EN1: variants seen among roughly 807,000 people sequenced by gnomAD.
The protein encoded by EN1 is homeobox protein engrailed-1.
In EN1, 8 loss-of-function variants were observed where a neutral mutation model predicts 22.9. That is an observed-to-expected ratio of 0.35 (90% CI 0.20 to 0.63). The LOEUF (loss-of-function observed/expected upper bound fraction) is 0.63, where lower values mean the gene tolerates loss of function less well. Among genes scored for constraint, EN1 ranks in the 20% least tolerant of loss-of-function variants. EN1 has a pLI of 0.73. For missense variants in EN1, 521 were observed against 572.1 expected, an observed-to-expected ratio of 0.91 and a Z score of 0.91; for synonymous variants, 287 against 262.5, an observed-to-expected ratio of 1.09 and a Z score of -0.90.
Position 118,846,013 on chromosome 2 carries a change from A to G in EN1, c.862+293T>C, listed in dbSNP as rs1274023024. Among the ~76,000 whole-genome samples, 1 of 152,210 alleles carries G rather than the reference A, an allele frequency of 6.6e-6. No homozygotes were observed. Among genetic ancestry groups the G allele is most frequent in the African/African-American group, 2.4e-5 (1 of 41,452 alleles). ...AATCACTGACTATGTACTTTTCCTA[A>G]GAATAATAAAGATAAGAGACAAAGA... is the stretch of plus-strand genomic sequence containing the variant. On this transcript the variant is annotated intron_variant, in intron 1 of 1. Transcript: ENST00000295206. The surrounding 1 kb of genome is among the most constrained non-coding windows in gnomAD (Gnocchi z 5.0).
rs1188542354 is a variant in EN1 at position 118,847,119 on chromosome 2, C to T, written c.49G>A (p.Gly17Ser). The T allele has an allele frequency of 2.2e-6, 3 of 1,351,798 alleles. No homozygotes were observed. Among genetic ancestry groups the T allele is most frequent in the Non-Finnish European group, 2.9e-6 (3 of 1,024,060 alleles). The allele number at this position is 1,351,798 out of a possible 1,614,324, so 83.7% of individuals were successfully genotyped here. A position where few individuals can be genotyped will look rare whatever the true frequency, so the allele number is the denominator to read the frequency against. Residue 17 changes from glycine to serine, a missense_variant, in exon 1 of 2, where the codon GGC (glycine) becomes AGC (serine). By Grantham distance (56) the Gly-to-Ser change is moderately conservative (BLOSUM62 0). Around this residue, in one of 3 missense-constraint regions of EN1, gnomAD observed 436 missense variants for 410.1 expected, o/e 1.06. Transcript: ENST00000295206. The stretch of plus-strand genomic sequence containing the variant: ...CCCGGAGTCGCCGCCGCCGCCGCGC[C>T]GAGGGCCGAGTCGCGCTGACTTTTA... ...EPKSQRDSAL[G>S]AAAAATPGGL...
Position 118,842,756 on chromosome 2 carries a change from C to T in EN1, c.*182G>A, listed in dbSNP as rs1678210085. The T allele has an allele frequency of 3.6e-6, 4 of 1,113,986 alleles. No individual in the cohort carries two copies. In the East Asian group the frequency reaches 1.1e-4, roughly 29 times the overall value. 69.0% of individuals were successfully genotyped at this position (1,113,986 alleles called of 1,614,324 possible). A position where few individuals can be genotyped will look rare whatever the true frequency, so the allele number is the denominator to read the frequency against. ...ATAGCACCTGTCCGAGTCTTTCTCC[C>T]TTTTCAAAAATGCTGCGTTTCAACG... On this transcript the variant is annotated 3_prime_UTR_variant, in exon 2 of 2. Coordinates refer to ENST00000295206, the MANE Select transcript of EN1 (RefSeq NM_001426.4).
Position 118,842,706 on chromosome 2 carries a change from AAT to A in EN1, c.*230_*231del. 1 of 728,990 alleles carries A rather than the reference AAT, an allele frequency of 1.4e-6. No individual in the cohort carries two copies. Among genetic ancestry groups the A allele is most frequent in the Non-Finnish European group, 2.1e-6 (1 of 478,256 alleles). 45.2% of individuals were successfully genotyped at this position (728,990 alleles called of 1,614,324 possible). A position where few individuals can be genotyped will look rare whatever the true frequency, so the allele number is the denominator to read the frequency against. ...TCGCAGTTTCGTCCCTTATACTGGG[AAT>A]AGAGAATGGATCTTATTTTTCGATA... On this transcript the variant is annotated 3_prime_UTR_variant, in exon 2 of 2. Coordinates refer to ENST00000295206, the MANE Select transcript of EN1 (RefSeq NM_001426.4).
intron 1 of EN1, among the ~76,000 whole-genome samples, chr2:118,845,543 C>A (rs1006809333): frequency 1.3e-5 from 2 of 152,214 alleles, no homozygotes; most frequent in Non-Finnish European, 2.9e-5. Flanking sequence ...GGGAACCGTT[C>A]CGCGGAGAAG....
At position 118,846,502 on chromosome 2, in the gene EN1, G is replaced by A. The variant is rs1211286978; in HGVS notation, c.666C>T (p.Asp222=). The change falls in exon 1 of 2, where the codon GAC becomes GAT. Residue 222 remains aspartate (D), a synonymous_variant. Coordinates refer to ENST00000295206, the MANE Select transcript of EN1 (RefSeq NM_001426.4). This position sits in a 1 kb window ranked among gnomAD's most constrained non-coding sequence, Gnocchi z 5.0. ...AAAAAAAKPS[D]TGGGGSGGGA... is the part of the protein sequence containing the mutation. ...CGCCTCCACTGCCGCCGCCACCGGT[G>A]TCCGAGGGCTTGGCTGCTGCGGCCG... 1.3e-6 allele frequency: 2 copies of A among 1,542,096 alleles called. No individual in the cohort carries two copies. The highest frequency in any genetic ancestry group is 1.7e-6 in the Non-Finnish European group (2 of 1,146,720).
In EN1 at chr2:118,846,498, C is replaced by T. The variant is rs1678271789; in HGVS notation, c.670G>A (p.Gly224Ser). 1 of 1,567,638 alleles carries T rather than the reference C, an allele frequency of 6.4e-7. No individual in the cohort carries two copies. ...GCGCCGCCTCCACTGCCGCCGCCAC[C>T]GGTGTCCGAGGGCTTGGCTGCTGCG... ...AAAAAKPSDTGGGGSGGGAGS... is the reference protein window; with the variant it reads ...AAAAAKPSDTSGGGSGGGAGS... The change falls in exon 1 of 2, where the codon GGT becomes AGT. Residue 224 changes from glycine to serine, a missense_variant. By Grantham distance (56) the Gly-to-Ser change is moderately conservative. Coordinates refer to ENST00000295206, the MANE Select transcript of EN1 (RefSeq NM_001426.4). This position sits in a 1 kb window ranked among gnomAD's most constrained non-coding sequence, Gnocchi z 5.0.
chr2:118,846,749 C>G lies in EN1; in HGVS notation c.419G>C (p.Gly140Ala), dbSNP rs763690981. 1 of 1,593,872 alleles carries G rather than the reference C, an allele frequency of 6.3e-7. No individual in the cohort carries two copies. The highest frequency in any genetic ancestry group is 8.5e-7 in the Non-Finnish European group (1 of 1,177,342). Residue 140 changes from glycine (G) to alanine (A), a missense_variant, in exon 1 of 2, where the codon GGC becomes GCC. By Grantham distance (60) the Gly-to-Ala change is moderately conservative. Coordinates refer to ENST00000295206, the MANE Select transcript of EN1 (RefSeq NM_001426.4). The surrounding 1 kb of genome is among the most constrained non-coding windows in gnomAD (Gnocchi z 5.0). ...CTGGCCTCTGTCACGCTCGACCCGG[C>G]CTCCTCCTCCTGCGCCTCCTCTGGC... Reference protein sequence around the residue: ...AAARGGAGGGGRVERDRGQTA... With the variant: ...AAARGGAGGGARVERDRGQTA...
Position 118,843,157 on chromosome 2 carries a change from C to G in EN1, c.960G>C (p.Ala320=). The G allele has an allele frequency of 1.2e-6, 2 of 1,610,876 alleles. No individual in the cohort carries two copies. The highest frequency in any genetic ancestry group is 1.7e-6 in the Non-Finnish European group (2 of 1,178,626). The part of the protein sequence containing the change: ...FTAEQLQRLK[A]EFQANRYITE... ...TGATGTAGCGGTTTGCCTGGAACTCCGCCTTGAGTCTCTGCAGCTGCTCGG... is the reference window on the plus strand; with the variant it reads ...TGATGTAGCGGTTTGCCTGGAACTCGGCCTTGAGTCTCTGCAGCTGCTCGG... The change falls in exon 2 of 2, where the codon GCG becomes GCC. Residue 320 remains alanine (A), a synonymous_variant. Coordinates refer to ENST00000295206, the MANE Select transcript of EN1 (RefSeq NM_001426.4).
Position 118,846,293 on chromosome 2 carries a change from G to C in EN1, c.862+13C>G. ...GCCAGAAGGCATGGCGCAGCCCGGA[G>C]TTGGGTACTCACCGGAGGATGGACG... On this transcript the variant is annotated intron_variant, in intron 1 of 1. Coordinates refer to ENST00000295206, the MANE Select transcript of EN1 (RefSeq NM_001426.4). The surrounding 1 kb of genome is among the most constrained non-coding windows in gnomAD (Gnocchi z 5.0). 6.2e-7 allele frequency: 1 copy of C among 1,606,864 alleles called. No homozygotes were observed. Among genetic ancestry groups the C allele is most frequent in the South Asian group, 1.1e-5 (1 of 89,830 alleles).
Position 118,843,237 on chromosome 2 carries a change from G to A in EN1, c.880C>T (p.Leu294=). ...TCCTTCTCGTTCTTCTTCTTCTTCAGCTTCCTGGTGCGCGGACCTGCAGCG... is the reference window on the plus strand; with the variant it reads ...TCCTTCTCGTTCTTCTTCTTCTTCAACTTCCTGGTGCGCGGACCTGCAGCG... ...RPSSGPRTRK[L]KKKKNEKEDK... The change falls in exon 2 of 2, where the codon CTG becomes TTG. Residue 294 remains leucine, a synonymous_variant. Transcript: ENST00000295206. 1 of 1,474,916 alleles carries A rather than the reference G, an allele frequency of 6.8e-7. No homozygotes were observed. The highest frequency in any genetic ancestry group is 9.1e-7 in the Non-Finnish European group (1 of 1,104,874). 91.4% of individuals were successfully genotyped at this position (1,474,916 alleles called of 1,614,324 possible). A position where few individuals can be genotyped will look rare whatever the true frequency, so the allele number is the denominator to read the frequency against.
chr2:118,846,434 T>C lies in EN1; in HGVS notation c.734A>G (p.His245Arg). The change falls in exon 1 of 2, where the codon CAC (histidine) becomes CGC (arginine). Residue 245 changes from histidine (H) to arginine (R), a missense_variant. Coordinates refer to ENST00000295206, the MANE Select transcript of EN1 (RefSeq NM_001426.4). The surrounding 1 kb of genome is among the most constrained non-coding windows in gnomAD (Gnocchi z 5.0). Reference protein sequence around the residue: ...PGAQGTKYPEHGNPAILLMGS... With the variant: ...PGAQGTKYPERGNPAILLMGS... ...CATAAGTAGGATAGCCGGGTTGCCG[T>C]GCTCCGGGTATTTGGTGCCCTGCGC... The C allele has an allele frequency of 2.5e-6, 4 of 1,612,830 alleles. No individual in the cohort carries two copies. The highest frequency in any genetic ancestry group is 2.2e-5 in the East Asian group (1 of 44,830).
In EN1 at chr2:118,846,370, C is replaced by A. The variant is rs368737948; in HGVS notation, c.798G>T (p.Ser266=). Residue 266 remains serine, a synonymous_variant, in exon 1 of 2, where the codon TCG becomes TCT. Coordinates refer to ENST00000295206, the MANE Select transcript of EN1 (RefSeq NM_001426.4). This position sits in a 1 kb window ranked among gnomAD's most constrained non-coding sequence, Gnocchi z 5.0. The part of the protein sequence containing the change: ...ANGGPVVKTD[S]QQPLVWPAWV... ...AGGCGGGCCATACGAGAGGCTGCTG[C>A]GAGTCAGTTTTGACCACGGGCCCGC... 3.1e-6 allele frequency: 5 copies of A among 1,612,272 alleles called. No individual in the cohort carries two copies. The African/African-American group carries it at 4.0e-5, about 13-fold the overall frequency.
chr2:118,843,288 G>A (rs538761075), intron 1 of EN1, 34 bp from the exon 2 acceptor site: 2 of 932,628 alleles, frequency 2.1e-6, no homozygotes, highest in East Asian at 6.7e-5. Context: ...GTGGGGTGGG[G>A]GTGGGGACCG....
chr2:118,847,095 C>G lies in EN1; in HGVS notation c.73G>C (p.Gly25Arg). 1 of 1,412,046 alleles carries G rather than the reference C, an allele frequency of 7.1e-7. No individual in the cohort carries two copies. The highest frequency in any genetic ancestry group is 1.4e-5 in the South Asian group (1 of 71,372). 87.5% of individuals were successfully genotyped at this position (1,412,046 alleles called of 1,614,324 possible). A position where few individuals can be genotyped will look rare whatever the true frequency, so the allele number is the denominator to read the frequency against. Residue 25 changes from glycine (G) to arginine (R), a missense_variant, in exon 1 of 2, where the codon GGC becomes CGC. Transcript: ENST00000295206. ...ALGAAAAATP[G>R]GLSLSLSPGA... The stretch of plus-strand genomic sequence containing the variant: ...GGACTGAGGCTCAGGCTGAGGCCGC[C>G]CGGAGTCGCCGCCGCCGCCGCGCCG...
rs558210525 is a variant in EN1, at chr2:118,846,469, C to T, written c.699G>A (p.Gly233=). The change falls in exon 1 of 2, where the codon GGG becomes GGA. Residue 233 remains glycine (G), a synonymous_variant. Transcript: ENST00000295206. This position sits in a 1 kb window ranked among gnomAD's most constrained non-coding sequence, Gnocchi z 5.0. ...TGGGGSGGGA[G]SPGAQGTKYP... is the part of the protein sequence containing the mutation. ...ATTTGGTGCCCTGCGCTCCGGGGCT[C>T]CCCGCGCCGCCTCCACTGCCGCCGC... 35 of 1,598,818 alleles carry T rather than the reference C, an allele frequency of 2.2e-5. No homozygotes were observed. The South Asian group carries it at 3.0e-4, about 14-fold the overall frequency.
At position 118,842,501 on chromosome 2, in the gene EN1, G is replaced by A. The variant is rs1292179287; in HGVS notation, c.*437C>T. The A allele has an allele frequency of 6.6e-6, 1 of 151,796 alleles. No homozygotes were observed. The highest frequency in any genetic ancestry group is 1.5e-5 in the Non-Finnish European group (1 of 68,004). 9.4% of individuals were successfully genotyped at this position (151,796 alleles called of 1,614,324 possible). On this transcript the variant is annotated 3_prime_UTR_variant, in exon 2 of 2. Transcript: ENST00000295206. Reference sequence around the variant, plus strand: ...GAAAACGAAACTGGGCGGGGGCAGCGAGGCGGTGGGGGAGGGGATAAAATA... The same window carrying A: ...GAAAACGAAACTGGGCGGGGGCAGCAAGGCGGTGGGGGAGGGGATAAAATA...
At chr2:118,844,927 A>C (rs922639447) in intron 1 of EN1, among the ~76,000 whole-genome samples, 1 of 152,248 alleles carries the variant, frequency 6.6e-6, no homozygotes, top group African/African-American at 2.4e-5. Context: ...GCGGGGAGAA[A>C]TAGCCCAAGA....
At position 118,846,982 on chromosome 2, in the gene EN1, C is replaced by T. The variant is rs1678287798; in HGVS notation, c.186G>A (p.Ala62=). The T allele has an allele frequency of 7.3e-6, 10 of 1,360,878 alleles. No homozygotes were observed. The highest frequency in any genetic ancestry group is 9.4e-6 in the Non-Finnish European group (10 of 1,066,814). 84.3% of individuals were successfully genotyped at this position (1,360,878 alleles called of 1,614,324 possible). Residue 62 remains alanine, a synonymous_variant, in exon 1 of 2, where the codon GCG becomes GCA. Coordinates refer to ENST00000295206, the MANE Select transcript of EN1 (RefSeq NM_001426.4). The surrounding 1 kb of genome is among the most constrained non-coding windows in gnomAD (Gnocchi z 5.0). ...GGTGGGCCAGGGGCGGCAGGCAAGG[C>T]GCCGCGGGCGGCGAGGGGGGCGCAG... ...PQPAPPSPPA[A]PCLPPLAHHP... is the part of the protein sequence containing the mutation.
rs1409573058 is a variant in EN1 at position 118,842,692 on chromosome 2, T to A, written c.*246A>T. The A allele has an allele frequency of 4.8e-6, 3 of 623,676 alleles. No homozygotes were observed. Among genetic ancestry groups the A allele is most frequent in the Non-Finnish European group, 7.6e-6 (3 of 397,020 alleles). 38.6% of individuals were successfully genotyped at this position (623,676 alleles called of 1,614,324 possible). ...GAGCTTTAAGGAGTTCGCAGTTTCG[T>A]CCCTTATACTGGGAATAGAGAATGG... On this transcript the variant is annotated 3_prime_UTR_variant, in exon 2 of 2. Coordinates refer to ENST00000295206, the MANE Select transcript of EN1 (RefSeq NM_001426.4).
Sources: allele counts gnomAD v4.1 joint callset (sites outside exome capture counted in the v4.1 genomes callset), GRCh38; gene constraint gnomAD v4.1.1; regional missense constraint gnomAD v4.1.1; non-coding constraint Gnocchi (gnomAD v3.1); transcripts MANE v1.5; gene names NCBI Gene and HGNC (gene_info 2026-07-23, HGNC 2026-07-21).